Variants in TMTC3 observed in about 807,000 individuals in gnomAD.
TMTC3 encodes protein O-mannosyl-transferase TMTC3.
TMTC3 carries 52 observed loss-of-function variants against 92.2 expected under a neutral mutation model. That is an observed-to-expected ratio of 0.56 (90% CI 0.45 to 0.71). TMTC3 has a LOEUF of 0.71. TMTC3 is among the 30% of genes least tolerant of loss of function. The pLI, the probability that TMTC3 is intolerant of heterozygous loss-of-function variation, is 0.00. For missense variants in TMTC3, 896 were observed against 1,057.1 expected (o/e 0.85, Z 2.11); for synonymous variants, 339 against 363.3 (o/e 0.93, Z 0.76).
chr12:88,195,305 G>A lies in TMTC3; in HGVS notation c.2401G>A (p.Ala801Thr). ...ATGCCTTCTTGAAACACTGGCATTA[G>A]CACCACATGAAGAATATATTCAGCG... ...ERCLLETLAL[A>T]PHEEYIQRHL... is the part of the protein sequence containing the mutation. Residue 801 changes from alanine to threonine, a missense_variant, in exon 14 of 14, where the codon GCA (alanine) becomes ACA (threonine). Physicochemically the swap from Ala to Thr is moderately conservative, Grantham distance 58. Transcript: ENST00000266712. 1.2e-6 allele frequency: 2 copies of A among 1,613,826 alleles called. No homozygotes were observed. Among genetic ancestry groups the A allele is most frequent in the Non-Finnish European group, 1.7e-6 (2 of 1,179,866 alleles).
intron 4 of TMTC3, among the ~76,000 whole-genome samples, chr12:88,159,067 G>GAAAAAAAAAAA (rs538720655): frequency 8.8e-6 from 1 of 113,126 alleles, no homozygotes. Flanking sequence ...AAAAAAAAAG[G>GAAAAAAAAAAA]AAAAAAAAAA....
intron 13 of TMTC3, among the ~76,000 whole-genome samples, chr12:88,193,142 A>G (rs921430792): frequency 6.6e-6 from 1 of 152,144 alleles, no homozygotes; most frequent in African/African-American, 2.4e-5. Flanking sequence ...TGTAACTTAT[A>G]TATAAACTCT....
chr12:88,154,057 CTTA>C (rs1366641492), intron 3 of TMTC3, among the ~76,000 whole-genome samples: 2 of 151,774 alleles, frequency 1.3e-5, no homozygotes, highest in East Asian at 3.9e-4. Flanking sequence ...TCCTATAAGT[CTTA>C]TTATTATTTC....
In TMTC3 at chr12:88,174,642, TG is replaced by T; in HGVS notation, c.1237del (p.Val413Ter). 1.2e-6 allele frequency: 2 copies of T among 1,612,462 alleles called. No homozygotes were observed. The highest frequency in any genetic ancestry group is 1.7e-6 in the Non-Finnish European group (2 of 1,178,980). On this transcript the variant is annotated frameshift_variant, in exon 9 of 14. Coordinates refer to ENST00000266712, the MANE Select transcript of TMTC3 (RefSeq NM_181783.4). LOFTEE classifies it high-confidence loss of function. ...FKKLSWICLS[M>X]VILTHSLKTF... ...AAGCTATCCTGGATTTGTCTGTCTATGGTGATACTCACTCATTCCTTAAAAA... is the reference window on the plus strand; with the variant it reads ...AAGCTATCCTGGATTTGTCTGTCTATGTGATACTCACTCATTCCTTAAAAA...
intron 2 of TMTC3, among the ~76,000 whole-genome samples, chr12:88,150,254 G>C (rs766698593): frequency 1.8e-4 from 28 of 152,100 alleles, no homozygotes; most frequent in Non-Finnish European, 2.6e-4. Flanking sequence ...AGTACGGTGG[G>C]AGGTGCTACA....
intron 4 of TMTC3, among the ~76,000 whole-genome samples, chr12:88,159,405 G>A (rs976139059): frequency 2.6e-5 from 4 of 152,122 alleles, no homozygotes; most frequent in African/African-American, 9.7e-5. Flanking sequence ...TAGACACAAT[G>A]GCTCGTGCCT....
At chr12:88,146,992 T>A (rs1197578169) in intron 1 of TMTC3, among the ~76,000 whole-genome samples, 1 of 150,356 alleles carries the variant, frequency 6.7e-6, no homozygotes, top group Non-Finnish European at 1.5e-5. Flanking sequence ...GATGTCAGAT[T>A]CTCTTAAAGG....
intron 4 of TMTC3, among the ~76,000 whole-genome samples, chr12:88,159,606 C>T (rs777771126): frequency 6.6e-5 from 10 of 151,470 alleles, no homozygotes; most frequent in Non-Finnish European, 1.2e-4. Context: ...CAGTAGTGAG[C>T]TATGTTCACA....
chr12:88,156,618 A>G (rs2468234), intron 4 of TMTC3, among the ~76,000 whole-genome samples: 115,531 of 151,946 alleles, frequency 0.76, 49,117 homozygotes, highest in East Asian at 0.96. Context: ...CCCACTAGCC[A>G]TTGTAGCTGT....
In TMTC3 at chr12:88,195,946, C is replaced by T. The variant is rs562007223; in HGVS notation, c.*297C>T. The T allele has an allele frequency of 2.0e-4, 42 of 206,644 alleles. No homozygotes were observed. The highest frequency in any genetic ancestry group is 8.7e-4 in the African/African-American group (38 of 43,480). The allele number at this position is 206,644 out of a possible 1,614,324, so 12.8% of individuals were successfully genotyped here. A position where few individuals can be genotyped will look rare whatever the true frequency, so the allele number is the denominator to read the frequency against. On this transcript the variant is annotated 3_prime_UTR_variant, in exon 14 of 14. Transcript: ENST00000266712. Reference sequence around the variant, plus strand: ...CTGGCAATGTAATCTTTACTGCTCTCAATTAAAAATAATTTTGAGGCCTGA... The same window carrying T: ...CTGGCAATGTAATCTTTACTGCTCTTAATTAAAAATAATTTTGAGGCCTGA...
At chr12:88,188,015 A>G (rs550377814) in intron 10 of TMTC3, among the ~76,000 whole-genome samples, 8 of 151,998 alleles carry the variant, frequency 5.3e-5, no homozygotes, top group Admixed American at 5.2e-4. Flanking sequence ...ATTTGCTGGG[A>G]TTTTTACTTT....
At chr12:88,157,042 C>T (rs1423156794) in intron 4 of TMTC3, among the ~76,000 whole-genome samples, 2 of 152,000 alleles carry the variant, frequency 1.3e-5, no homozygotes, top group African/African-American at 2.4e-5. Flanking sequence ...TTATTGCTTT[C>T]TCACAATAGA....
At chr12:88,178,627 AC>A (rs56177347) in intron 10 of TMTC3, among the ~76,000 whole-genome samples, 10,995 of 152,108 alleles carry the variant, frequency 0.072, 527 homozygotes, top group African/African-American at 0.13. Flanking sequence ...TCATTTTTGT[AC>A]CCCTGCATCA....
Position 88,198,311 on chromosome 12 carries a change from T to G in TMTC3, c.*2662T>G. On this transcript the variant is annotated 3_prime_UTR_variant, in exon 14 of 14. Coordinates refer to ENST00000266712, the MANE Select transcript of TMTC3 (RefSeq NM_181783.4). ...TCAGAGTTCTGATCATATGGAAGTTTGGAAAAGAGAGCTTATCACAGGTTT... is the reference window on the plus strand; with the variant it reads ...TCAGAGTTCTGATCATATGGAAGTTGGGAAAAGAGAGCTTATCACAGGTTT... The G allele has an allele frequency of 2.5e-6, 1 of 398,018 alleles. No individual in the cohort carries two copies. The highest frequency in any genetic ancestry group is 4.4e-6 in the Non-Finnish European group (1 of 225,616). 24.7% of individuals were successfully genotyped at this position (398,018 alleles called of 1,614,324 possible). A position where few individuals can be genotyped will look rare whatever the true frequency, so the allele number is the denominator to read the frequency against.
At chr12:88,154,155 G>A in intron 3 of TMTC3, 133 bp from the exon 4 acceptor site, 1 of 603,812 alleles carries the variant, frequency 1.7e-6, no homozygotes, top group Non-Finnish European at 2.8e-6. Flanking sequence ...CCACCTGAGG[G>A]CACCCAAAGA....
intron 9 of TMTC3, among the ~76,000 whole-genome samples, chr12:88,175,439 C>A (rs1299299518): frequency 6.6e-6 from 1 of 152,122 alleles, no homozygotes; most frequent in Non-Finnish European, 1.5e-5. Flanking sequence ...CATTACTTAG[C>A]TTTATTGGAT....
Position 88,195,050 on chromosome 12 carries a change from G to A in TMTC3, c.2146G>A (p.Ala716Thr). 1.1e-5 allele frequency: 17 copies of A among 1,613,804 alleles called. No homozygotes were observed. The highest frequency in any genetic ancestry group is 1.4e-5 in the Non-Finnish European group (16 of 1,179,898). The change falls in exon 14 of 14, where the codon GCA (alanine) becomes ACA (threonine). Residue 716 changes from alanine to threonine, a missense_variant. Coordinates refer to ENST00000266712, the MANE Select transcript of TMTC3 (RefSeq NM_181783.4). ...TCTGGCTCTCCTGTATTCCCAGACTGCAAAGGAATTAAAGGCTTTGCCAAT... is the reference window on the plus strand; with the variant it reads ...TCTGGCTCTCCTGTATTCCCAGACTACAAAGGAATTAAAGGCTTTGCCAAT... ...FNLALLYSQT[A>T]KELKALPILE...
In TMTC3 at chr12:88,154,384, A is replaced by G. The variant is rs763246480; in HGVS notation, c.505A>G (p.Ile169Val). 1.3e-5 allele frequency: 20 copies of G among 1,588,280 alleles called. No individual in the cohort carries two copies. Among genetic ancestry groups the G allele is most frequent in the Non-Finnish European group, 1.7e-5 (20 of 1,171,682 alleles). ...CAGATCAAAAGGACCAGACAATTCC[A>G]TAAGTACATGTCTCACATTTGATTT... is the stretch of plus-strand genomic sequence containing the variant. ...YTRSKGPDNS[I>V]IWTPIALTVF... The change falls in exon 4 of 14, where the codon ATA (isoleucine) becomes GTA (valine). Residue 169 changes from isoleucine to valine, a missense_variant. By Grantham distance (29) the Ile-to-Val change is conservative. Transcript: ENST00000266712.
chr12:88,155,790 C>A (rs142310205), intron 4 of TMTC3, among the ~76,000 whole-genome samples: 1 of 152,210 alleles, frequency 6.6e-6, no homozygotes, highest in East Asian at 1.9e-4. Context: ...CTTTACAATT[C>A]TAATATCTTG....
Sources: allele counts gnomAD v4.1 joint callset (sites outside exome capture counted in the v4.1 genomes callset), GRCh38; gene constraint gnomAD v4.1.1; transcripts MANE v1.5; gene names NCBI Gene and HGNC (gene_info 2026-07-23, HGNC 2026-07-21).